The following SMC5 variants were observed in gnomAD, a reference collection of about 807,000 sequenced individuals.
SMC5 encodes structural maintenance of chromosomes 5.
A neutral mutation model predicts 148.3 loss-of-function variants in SMC5; 88 were observed. The ratio of observed to expected loss-of-function variants is 0.59; its 90% CI spans 0.50 to 0.71. The LOEUF (loss-of-function observed/expected upper bound fraction) is 0.71. SMC5 is among the 30% of genes least tolerant of loss of function. The pLI, the probability that SMC5 is intolerant of heterozygous loss-of-function variation, is 0.00. For missense variants in SMC5, 1,142 were observed against 1,298.9 expected (o/e 0.88, Z 1.86); for synonymous variants, 421 against 432.8 (o/e 0.97, Z 0.34).
At chr9:70,348,287 G>A (rs903540091) in intron 22 of SMC5, among the ~76,000 whole-genome samples, 3 of 151,798 alleles carry the variant, frequency 2.0e-5, no homozygotes, top group Non-Finnish European at 4.4e-5. Context: ...TGGTTATTCA[G>A]TTGTATTGAA....
At chr9:70,259,415 C>A in intron 1 of SMC5, 152 bp downstream of exon 1, 1 of 780,290 alleles carries the variant, frequency 1.3e-6, no homozygotes, top group Non-Finnish European at 2.0e-6. Flanking sequence ...GAGGATTTTC[C>A]TACGTAGGCT....
Position 70,314,825 on chromosome 9 carries a change from G to GTACTTC in SMC5, c.1662_1663insTACTTC (p.Leu554_Asn555insTyrPhe). On this transcript the variant is annotated inframe_insertion, in exon 12 of 25. Transcript: ENST00000361138. ...CAGACAAAGCACCTTCAAGATCTTT[G>GTACTTC]AATGAACTTAAGTAAGTCTTGAAAA... 1 of 1,536,320 alleles carries GTACTTC rather than the reference G, an allele frequency of 6.5e-7. No individual in the cohort carries two copies.
At chr9:70,276,278 A>C (rs2034590052) in intron 3 of SMC5, among the ~76,000 whole-genome samples, 1 of 152,210 alleles carries the variant, frequency 6.6e-6, no homozygotes, top group African/African-American at 2.4e-5. Context: ...TTACCAGCAG[A>C]TCATCAAAAT....
chr9:70,345,031 C>CT (rs140541453), intron 18 of SMC5, among the ~76,000 whole-genome samples: 1 of 152,068 alleles, frequency 6.6e-6, no homozygotes, highest in East Asian at 1.9e-4. Flanking sequence ...ACACAGAAAT[C>CT]ACAGAGAATG....
At chr9:70,265,050 T>G (rs146062279) in intron 2 of SMC5, among the ~76,000 whole-genome samples, 157 of 152,302 alleles carry the variant, frequency 1.0e-3, no homozygotes, top group South Asian at 5.6e-3. Context: ...ATGGTACACC[T>G]GCGTAGGGCA....
Position 70,324,042 on chromosome 9 carries a change from C to T in SMC5, c.2296C>T (p.Gln766Ter). The stretch of plus-strand genomic sequence containing the variant: ...CTAGATTTGTACTTCTTTGCATATA[C>T]AAAAAGTAGATTTAATTCTCCAAAA... ...LIKICTSLHI[Q>*]KVDLILQNTT... Residue 766 changes from glutamine to a stop codon, truncating the protein, a stop_gained, in exon 17 of 25, where the codon CAA (glutamine) becomes TAA (stop). Coordinates refer to ENST00000361138, the MANE Select transcript of SMC5 (RefSeq NM_015110.4). LOFTEE classifies it high-confidence loss of function. 6.3e-7 allele frequency: 1 copy of T among 1,580,798 alleles called. No homozygotes were observed. Among genetic ancestry groups the T allele is most frequent in the Non-Finnish European group, 8.5e-7 (1 of 1,170,170 alleles).
At chr9:70,346,306 T>G (rs539120512) in intron 18 of SMC5, 2 of 379,702 alleles carry the variant, frequency 5.3e-6, no homozygotes, top group African/African-American at 4.1e-5. Context: ...GATATTAGAT[T>G]AATATGTCAA....
chr9:70,339,732 A>G (rs1424538402), intron 17 of SMC5, among the ~76,000 whole-genome samples: 4 of 152,186 alleles, frequency 2.6e-5, no homozygotes. Flanking sequence ...GATTGACACA[A>G]AATTTCAGGG....
intron 11 of SMC5, among the ~76,000 whole-genome samples, chr9:70,308,450 G>A (rs1432824070): frequency 2.0e-5 from 3 of 151,592 alleles, no homozygotes; most frequent in East Asian, 1.9e-4. Context: ...AAAATTAGCC[G>A]GGCGTGGTGG....
intron 17 of SMC5, among the ~76,000 whole-genome samples, chr9:70,340,059 C>T (rs539943180): frequency 8.5e-5 from 13 of 152,202 alleles, no homozygotes; most frequent in African/African-American, 2.9e-4. Flanking sequence ...TTATGATATT[C>T]AGTTTAATAA....
Position 70,267,032 on chromosome 9 carries a change from C to CT in SMC5, c.328-875dup, listed in dbSNP as rs60909552. Among the ~76,000 whole-genome samples, 1,087 of 133,306 alleles carry CT rather than the reference C, an allele frequency of 8.2e-3. 10 individuals carry two copies. The highest frequency in any genetic ancestry group is 0.026 in the African/African-American group (935 of 36,148). The allele number at this position is 133,306 out of a possible 152,430, so 87.5% of individuals were successfully genotyped here. On this transcript the variant is annotated intron_variant, in intron 2 of 24. Transcript: ENST00000361138. ...TGTACTTGGTGGTTACAAGATAAGGCTTTTTTTTTTTTTTTTCTCCCATCT... is the reference window on the plus strand; with the variant it reads ...TGTACTTGGTGGTTACAAGATAAGGCTTTTTTTTTTTTTTTTTCTCCCATCT...
At chr9:70,320,988 G>A (rs539127695) in intron 15 of SMC5, among the ~76,000 whole-genome samples, 1 of 152,256 alleles carries the variant, frequency 6.6e-6, no homozygotes, top group South Asian at 2.1e-4. Context: ...AGCATGGTGA[G>A]AAAGGCAAAT....
At chr9:70,337,205 GTTTTAC>G (rs1300661237) in intron 17 of SMC5, among the ~76,000 whole-genome samples, 1 of 152,136 alleles carries the variant, frequency 6.6e-6, no homozygotes, top group Admixed American at 6.5e-5. Context: ...GGTGCCTGAA[GTTTTAC>G]TTTTACATCA....
chr9:70,293,484 C>A (rs2035118697), intron 8 of SMC5, among the ~76,000 whole-genome samples: 1 of 151,694 alleles, frequency 6.6e-6, no homozygotes, highest in Admixed American at 6.6e-5. Flanking sequence ...GATTCTCCTG[C>A]CTGATGTAGA....
At chr9:70,330,336 A>G (rs1313294948) in intron 17 of SMC5, among the ~76,000 whole-genome samples, 1 of 152,082 alleles carries the variant, frequency 6.6e-6, no homozygotes, top group Non-Finnish European at 1.5e-5. Context: ...ATGTCTCCAG[A>G]CATTTGCCCC....
At position 70,259,119 on chromosome 9, in the gene SMC5, A is replaced by C; in HGVS notation, c.41A>C (p.Gln14Pro). ...AAGAAGACGTCAACTCCAAGCCCCC[A>C]GCCTTCCAAGAGAGCTCTCCCGAGA... ...PSKKTSTPSP[Q>P]PSKRALPRDP... Residue 14 changes from glutamine (Q) to proline (P), a missense_variant, in exon 1 of 25, where the codon CAG becomes CCG. This residue lies in a region of SMC5 where 297 missense variants were observed against 302.6 expected (regional missense o/e 0.98). Coordinates refer to ENST00000361138, the MANE Select transcript of SMC5 (RefSeq NM_015110.4). 1 of 1,611,954 alleles carries C rather than the reference A, an allele frequency of 6.2e-7. No individual in the cohort carries two copies. Among genetic ancestry groups the C allele is most frequent in the African/African-American group, 1.3e-5 (1 of 75,002 alleles).
chr9:70,329,805 T>C (rs1283401745), intron 17 of SMC5, among the ~76,000 whole-genome samples: 3 of 152,206 alleles, frequency 2.0e-5, no homozygotes, highest in Admixed American at 6.5e-5. Flanking sequence ...AAGAACTACC[T>C]GAGACTGGGT....
chr9:70,314,565 A>G (rs1031261137), intron 11 of SMC5, among the ~76,000 whole-genome samples, 177 bp from the exon 12 acceptor site: 7 of 151,582 alleles, frequency 4.6e-5, no homozygotes, highest in Admixed American at 4.0e-4. Flanking sequence ...TCTTTTTATA[A>G]AAACACATAA....
chr9:70,323,657 A>C (rs2036005858), intron 16 of SMC5, 51 bp downstream of exon 16: 1 of 1,557,420 alleles, frequency 6.4e-7, no homozygotes, highest in East Asian at 2.3e-5. Context: ...TAGCGGGCAG[A>C]TAAGATAGTA....
Sources: gnomAD v4.1 joint callset for allele counts (sites outside exome capture counted in the v4.1 genomes callset) on GRCh38, gnomAD v4.1.1 for gene constraint, gnomAD v4.1.1 regional missense constraint, MANE v1.5 for transcripts, NCBI Gene and HGNC (gene_info 2026-07-23, HGNC 2026-07-21) for gene names.